Variants in ST8SIA6 observed in about 807,000 individuals in gnomAD.
The protein encoded by ST8SIA6 is ST8 alpha-N-acetyl-neuraminide alpha-2,8-sialyltransferase 6, also known as alpha-2,8-sialyltransferase 8F.
ST8SIA6 carries 39 observed loss-of-function variants against 33.6 expected under a neutral mutation model. The ratio of observed to expected loss-of-function variants is 1.16; its 90% CI spans 0.90 to 1.52. The LOEUF is 1.52. ST8SIA6 is among the 40% of genes most tolerant of loss of function. The pLI is 0.00. For missense variants in ST8SIA6, 441 were observed against 443.8 expected (o/e 0.99, Z 0.06); for synonymous variants, 172 against 167.2 (o/e 1.03, Z -0.22).
At chr10:17,375,378 T>C (rs1456444256) in intron 3 of ST8SIA6, among the ~76,000 whole-genome samples, 1 of 152,190 alleles carries the variant, frequency 6.6e-6, no homozygotes, top group Non-Finnish European at 1.5e-5. Context: ...TGATCGGCCA[T>C]AATTTATGCC....
chr10:17,390,617 T>G lies in ST8SIA6; in HGVS notation c.204A>C (p.Thr68=). The G allele has an allele frequency of 6.2e-7, 1 of 1,609,374 alleles. No individual in the cohort carries two copies. The highest frequency in any genetic ancestry group is 8.5e-7 in the Non-Finnish European group (1 of 1,177,722). The change falls in exon 3 of 8, where the codon ACA becomes ACC. Residue 68 remains threonine, a synonymous_variant. Coordinates refer to ENST00000377602, the MANE Select transcript of ST8SIA6 (RefSeq NM_001004470.3). The stretch of plus-strand genomic sequence containing the variant: ...GTTGGAGCGACTTCTCATTCAGATA[T>G]GTGCTGTTTCATGAAAGAGATTTTT... ...ATAVPRATNS[T]YLNEKSLQLT...
At chr10:17,321,816 A>C (rs543650321) in intron 7 of ST8SIA6, among the ~76,000 whole-genome samples, 1 of 152,294 alleles carries the variant, frequency 6.6e-6, no homozygotes, top group East Asian at 1.9e-4. Context: ...AAAACTGAAA[A>C]TAGACTGGGC....
At chr10:17,359,012 A>G (rs1218727250) in intron 4 of ST8SIA6, among the ~76,000 whole-genome samples, 1 of 152,180 alleles carries the variant, frequency 6.6e-6, no homozygotes. Context: ...TGGTCAAGTG[A>G]TAACCTGGTT....
chr10:17,359,113 T>A (rs1164986831), intron 4 of ST8SIA6, among the ~76,000 whole-genome samples: 1 of 152,164 alleles, frequency 6.6e-6, no homozygotes, highest in Non-Finnish European at 1.5e-5. Flanking sequence ...GAGGAAAAAC[T>A]GGTAGAAAAC....
intron 2 of ST8SIA6, among the ~76,000 whole-genome samples, chr10:17,391,224 A>C (rs1055348100): frequency 6.6e-6 from 1 of 151,804 alleles, no homozygotes; most frequent in African/African-American, 2.4e-5. Flanking sequence ...CAAGTTATTT[A>C]ATAGTTTTAA....
chr10:17,436,812 G>T (rs1852277701), intron 2 of ST8SIA6, among the ~76,000 whole-genome samples: 3 of 152,104 alleles, frequency 2.0e-5, no homozygotes, highest in Admixed American at 2.0e-4. Flanking sequence ...TTGCTGTTGT[G>T]AATAGTATCT....
intron 3 of ST8SIA6, among the ~76,000 whole-genome samples, chr10:17,380,285 G>C (rs1479814281): frequency 1.3e-5 from 2 of 152,198 alleles, no homozygotes; most frequent in Non-Finnish European, 2.9e-5. Context: ...GTAAGAAACT[G>C]GTTTGGGATT....
intron 3 of ST8SIA6, among the ~76,000 whole-genome samples, chr10:17,386,726 C>G (rs915116328): frequency 6.6e-6 from 1 of 152,108 alleles, no homozygotes; most frequent in African/African-American, 2.4e-5. Flanking sequence ...CATTTCAGGC[C>G]GAGGCCTAAA....
At chr10:17,338,144 C>G (rs902277989) in intron 4 of ST8SIA6, among the ~76,000 whole-genome samples, 1 of 151,214 alleles carries the variant, frequency 6.6e-6, no homozygotes, top group African/African-American at 2.4e-5. Context: ...AATTGATTCT[C>G]CTGCCTCAGC....
intron 4 of ST8SIA6, among the ~76,000 whole-genome samples, chr10:17,343,577 A>T (rs1461989871): frequency 1.3e-5 from 2 of 152,228 alleles, no homozygotes; most frequent in Non-Finnish European, 2.9e-5. Flanking sequence ...AACATTGCAC[A>T]AAACAGAGGA....
At chr10:17,408,587 G>C (rs1851348943) in intron 2 of ST8SIA6, among the ~76,000 whole-genome samples, 1 of 151,828 alleles carries the variant, frequency 6.6e-6, no homozygotes, top group South Asian at 2.1e-4. Flanking sequence ...TTGAACCCGG[G>C]AGGTGGAGGT....
At chr10:17,447,815 TA>T (rs113502759) in intron 2 of ST8SIA6, among the ~76,000 whole-genome samples, 19 of 152,206 alleles carry the variant, frequency 1.2e-4, no homozygotes, top group African/African-American at 3.9e-4. Flanking sequence ...TATTAAAATT[TA>T]AAAAAAATTT....
intron 3 of ST8SIA6, among the ~76,000 whole-genome samples, chr10:17,368,500 A>T (rs184480753): frequency 6.6e-6 from 1 of 151,872 alleles, no homozygotes; most frequent in African/African-American, 2.4e-5. Context: ...ACATACATTA[A>T]TAGCATGTTA....
intron 3 of ST8SIA6, among the ~76,000 whole-genome samples, chr10:17,370,177 G>A (rs928766925): frequency 6.6e-6 from 1 of 152,024 alleles, no homozygotes; most frequent in Non-Finnish European, 1.5e-5. Flanking sequence ...TAGAGATGGG[G>A]TTTCACCATG....
At chr10:17,443,554 T>C (rs531364463) in intron 2 of ST8SIA6, among the ~76,000 whole-genome samples, 1 of 152,364 alleles carries the variant, frequency 6.6e-6, no homozygotes, top group South Asian at 2.1e-4. Context: ...TTGTGCCCTA[T>C]AAAATTATCT....
At chr10:17,414,617 C>T (rs1851549245) in intron 2 of ST8SIA6, among the ~76,000 whole-genome samples, 1 of 152,174 alleles carries the variant, frequency 6.6e-6, no homozygotes, top group African/African-American at 2.4e-5. Flanking sequence ...CTGGTGAGGG[C>T]TCTCTTCCTG....
intron 2 of ST8SIA6, among the ~76,000 whole-genome samples, chr10:17,431,007 T>A (rs1852085365): frequency 1.3e-5 from 2 of 152,312 alleles, no homozygotes; most frequent in South Asian, 4.1e-4. Flanking sequence ...CATTTATATT[T>A]CTAGACTTCC....
chr10:17,417,645 C>G (rs1343749903), intron 2 of ST8SIA6, among the ~76,000 whole-genome samples: 1 of 152,072 alleles, frequency 6.6e-6, no homozygotes, highest in African/African-American at 2.4e-5. Context: ...AATGAATGTT[C>G]ACTGAAAGAA....
At chr10:17,377,373 G>T (rs1849954102) in intron 3 of ST8SIA6, among the ~76,000 whole-genome samples, 1 of 152,174 alleles carries the variant, frequency 6.6e-6, no homozygotes, top group Non-Finnish European at 1.5e-5. Flanking sequence ...AGCCTGTTTG[G>T]TGGTCTCTTC....
Sources: gnomAD v4.1 joint callset for allele counts (sites outside exome capture counted in the v4.1 genomes callset) on GRCh38, gnomAD v4.1.1 for gene constraint, MANE v1.5 for transcripts, NCBI Gene and HGNC (gene_info 2026-07-23, HGNC 2026-07-21) for gene names.